The following NFKB1 variants were observed in gnomAD, a reference collection of about 807,000 sequenced individuals.
The protein encoded by NFKB1 is nuclear factor NF-kappa-B p105 subunit.
Under a neutral mutation model 105.1 loss-of-function variants are expected in NFKB1, and 9 were observed. That is an observed-to-expected ratio of 0.09 (90% CI 0.05 to 0.15). NFKB1 has a LOEUF of 0.15. NFKB1 is among the 10% of genes least tolerant of loss of function. The pLI is 1.00. For synonymous variants in NFKB1, 440 were observed against 442.2 expected (o/e 1.00, Z 0.06); for missense variants, 830 against 1,203.7 (o/e 0.69, Z 4.59).
At position 102,502,327 on chromosome 4, in the gene NFKB1, A is replaced by C. The variant is rs1394550631; in HGVS notation, c.-8+539A>C. On this transcript the variant is annotated intron_variant, in intron 1 of 23. Transcript: ENST00000226574. The stretch of plus-strand genomic sequence containing the variant: ...CATCCCTCTCCTACTTCTAAAAGAA[A>C]CCTGGCTCGCTCTCTGTCTCTCTCT... Among the ~76,000 whole-genome samples the C allele has an allele frequency of 3.3e-5, 5 of 149,926 alleles. No homozygotes were observed. The East Asian group carries it at 6.0e-4, about 18-fold the overall frequency.
rs1285533852 is a variant in NFKB1, at chr4:102,611,866, T to C, written c.2353-178T>C. Reference sequence around the variant, plus strand: ...AGTACCAGAGCCCCTACAGCTGTTCTTCCCCCAAAGGGTACCATATTCTTG... The same window carrying C: ...AGTACCAGAGCCCCTACAGCTGTTCCTCCCCCAAAGGGTACCATATTCTTG... On this transcript the variant is annotated intron_variant, in intron 20 of 23. Transcript: ENST00000226574. 2.6e-5 allele frequency among the ~76,000 whole-genome samples: 4 copies of C among 152,198 alleles called. No individual in the cohort carries two copies. The East Asian group carries it at 5.8e-4, about 22-fold the overall frequency.
Position 102,567,152 on chromosome 4 carries a change from G to A in NFKB1, c.407+17G>A. 6.2e-7 allele frequency: 1 copy of A among 1,611,496 alleles called. No individual in the cohort carries two copies. The highest frequency in any genetic ancestry group is 8.5e-7 in the Non-Finnish European group (1 of 1,178,010). On this transcript the variant is annotated intron_variant, in intron 6 of 23. Coordinates refer to ENST00000226574, the MANE Select transcript of NFKB1 (RefSeq NM_003998.4). ...GGTGGTCGGGTAAGTAGGGGTATAT[G>A]ATGCTGTGGAAGGTAGGAACAGATA...
intron 5 of NFKB1, among the ~76,000 whole-genome samples, chr4:102,539,802 A>G (rs189648852): frequency 1.2e-3 from 180 of 152,266 alleles, no homozygotes; most frequent in African/African-American, 4.0e-3. Flanking sequence ...GCAGCAGGCT[A>G]TTGCTCACCG....
chr4:102,580,376 A>C (rs1202334913), intron 8 of NFKB1, among the ~76,000 whole-genome samples, 159 bp from the exon 9 acceptor site: 1 of 152,172 alleles, frequency 6.6e-6, no homozygotes, highest in Non-Finnish European at 1.5e-5. Context: ...GTGTTCCGAG[A>C]ATTTCAGAAG....
chr4:102,583,845 G>T (rs1725505275), intron 10 of NFKB1, among the ~76,000 whole-genome samples: 1 of 151,728 alleles, frequency 6.6e-6, no homozygotes. Flanking sequence ...TAAGTGGCCA[G>T]TTAAATTATG....
chr4:102,545,625 A>G (rs886673581), intron 5 of NFKB1, among the ~76,000 whole-genome samples: 1 of 152,048 alleles, frequency 6.6e-6, no homozygotes, highest in Non-Finnish European at 1.5e-5. Context: ...AATGTTAAGG[A>G]TCTGTTTCTA....
rs374903458 is a variant in NFKB1, at chr4:102,606,583, C to T, written c.1840C>T (p.Arg614Cys). The change falls in exon 17 of 24, where the codon CGC (arginine) becomes TGC (cysteine). Residue 614 changes from arginine (R) to cysteine (C), a missense_variant. Coordinates refer to ENST00000226574, the MANE Select transcript of NFKB1 (RefSeq NM_003998.4). ...TGGGGCCGACCTGAGCCTTCTGGACCGCTTGGGTAACTCTGTTTTGCACCT... is the reference window on the plus strand; with the variant it reads ...TGGGGCCGACCTGAGCCTTCTGGACTGCTTGGGTAACTCTGTTTTGCACCT... The part of the protein sequence containing the change: ...RAGADLSLLD[R>C]LGNSVLHLAA... 8.7e-6 allele frequency: 14 copies of T among 1,613,954 alleles called. No homozygotes were observed. In the Admixed American group the frequency reaches 1.5e-4, roughly 17 times the overall value.
chr4:102,587,298 A>T (rs1014460771), intron 11 of NFKB1, among the ~76,000 whole-genome samples: 2 of 152,200 alleles, frequency 1.3e-5, no homozygotes, highest in African/African-American at 4.8e-5. Context: ...GAAGAAAAAT[A>T]TGGATAATTT....
rs757069125 is a variant in NFKB1 at position 102,600,985 on chromosome 4, C to T, written c.1728C>T (p.Ile576=). The T allele has an allele frequency of 2.5e-6, 4 of 1,602,554 alleles. No homozygotes were observed. The Admixed American group carries it at 5.0e-5, about 20-fold the overall frequency. ...VTSGLISDDI[I]NMRNDLYQTP... is the part of the protein sequence containing the mutation. ...CTGGTTTGATTTCTGATGACATTAT[C>T]AACATGAGAAATGATCTGTACCAGG... The change falls in exon 16 of 24, where the codon ATC becomes ATT. Residue 576 remains isoleucine, a synonymous_variant. Coordinates refer to ENST00000226574, the MANE Select transcript of NFKB1 (RefSeq NM_003998.4).
intron 5 of NFKB1, among the ~76,000 whole-genome samples, chr4:102,540,734 C>T (rs1483376290): frequency 1.3e-5 from 2 of 151,874 alleles, no homozygotes; most frequent in African/African-American, 4.8e-5. Flanking sequence ...CCAAGAAATT[C>T]TTAATTGGAA....
At chr4:102,529,987 C>T in intron 3 of NFKB1, 73 bp downstream of exon 3, 2 of 1,112,244 alleles carry the variant, frequency 1.8e-6, no homozygotes, top group Non-Finnish European at 2.7e-6. Flanking sequence ...TGTTAATAGT[C>T]TGTCCTAGAA....
intron 3 of NFKB1, 61 bp from the exon 4 acceptor site, chr4:102,533,784 A>G: frequency 7.1e-7 from 1 of 1,418,100 alleles, no homozygotes; most frequent in Non-Finnish European, 9.8e-7. Flanking sequence ...TTTACGTTTT[A>G]TACCAAATTT....
At chr4:102,522,782 G>A (rs546276487) in intron 1 of NFKB1, among the ~76,000 whole-genome samples, 1 of 152,284 alleles carries the variant, frequency 6.6e-6, no homozygotes, top group East Asian at 1.9e-4. Context: ...TAAGGGCAAA[G>A]ATGGTTTTAA....
rs1237971169 is a variant in NFKB1 at position 102,510,795 on chromosome 4, G to T, written c.-8+9007G>T. 4 of 266,560 alleles carry T rather than the reference G, an allele frequency of 1.5e-5. 1 individual carries two copies. The highest frequency in any genetic ancestry group is 1.7e-4 in the South Asian group (2 of 11,778). The allele number at this position is 266,560 out of a possible 1,614,324, so 16.5% of individuals were successfully genotyped here. On this transcript the variant is annotated intron_variant, in intron 1 of 23. Transcript: ENST00000226574. ...TATTTAAATGCTAGATTGATTCAAG[G>T]TCTCACTAATTATAACTATATTTGG... is the stretch of plus-strand genomic sequence containing the variant.
At chr4:102,530,529 G>A (rs776406636) in intron 3 of NFKB1, among the ~76,000 whole-genome samples, 1 of 152,070 alleles carries the variant, frequency 6.6e-6, no homozygotes, top group African/African-American at 2.4e-5. Flanking sequence ...AGCTTGGTGT[G>A]ATGGCTCTTT....
chr4:102,518,513 A>G (rs1366798859), intron 1 of NFKB1, among the ~76,000 whole-genome samples: 3 of 152,164 alleles, frequency 2.0e-5, no homozygotes, highest in Non-Finnish European at 4.4e-5. Context: ...CCCATGACAC[A>G]TATTATATTG....
chr4:102,506,290 C>T (rs1159406862), intron 1 of NFKB1, among the ~76,000 whole-genome samples: 2 of 152,158 alleles, frequency 1.3e-5, no homozygotes, highest in Admixed American at 6.5e-5. Flanking sequence ...ATGCTACAAG[C>T]ACTGCTTGGT....
chr4:102,530,503 G>A (rs955709507), intron 3 of NFKB1, among the ~76,000 whole-genome samples: 1 of 152,074 alleles, frequency 6.6e-6, no homozygotes, highest in African/African-American at 2.4e-5. Context: ...TAAAAAAAGT[G>A]ATTTATTTGT....
chr4:102,525,548 G>A lies in NFKB1; in HGVS notation c.30G>A (p.Arg10=). 1 of 1,613,012 alleles carries A rather than the reference G, an allele frequency of 6.2e-7. No homozygotes were observed. Among genetic ancestry groups the A allele is most frequent in the Non-Finnish European group, 8.5e-7 (1 of 1,179,330 alleles). Residue 10 remains arginine, a synonymous_variant, in exon 2 of 24, where the codon AGG becomes AGA. Coordinates refer to ENST00000226574, the MANE Select transcript of NFKB1 (RefSeq NM_003998.4). The part of the protein sequence containing the change: MAEDDPYLG[R]PEQMFHLDPS... ...CAGAAGATGATCCATATTTGGGAAG[G>A]CCTGAACAAGTAAGTGTCATAATCT...
Sources: gnomAD v4.1 joint callset for allele counts (sites outside exome capture counted in the v4.1 genomes callset) on GRCh38, gnomAD v4.1.1 for gene constraint, MANE v1.5 for transcripts, NCBI Gene and HGNC (gene_info 2026-07-23, HGNC 2026-07-21) for gene names.